Variants in NBDY observed in about 807,000 individuals in gnomAD.
The protein encoded by NBDY is negative regulator of P-body association.
At chrX:56,743,017 G>A (rs1297215110) in intron 2 of NBDY, among the ~76,000 whole-genome samples, 1 of 110,808 alleles carries the variant, frequency 9.0e-6, no homozygotes, top group East Asian at 2.8e-4. Context: ...CATTTTTGAA[G>A]GTTTTTATCA....
At chrX:56,799,341 A>G (rs901703677) in intron 2 of NBDY, among the ~76,000 whole-genome samples, 12 of 113,114 alleles carry the variant, frequency 1.1e-4, no homozygotes, top group African/African-American at 1.6e-4. Flanking sequence ...TCTCCACAAA[A>G]GAGACCAGAG....
intron 2 of NBDY, among the ~76,000 whole-genome samples, chrX:56,814,614 T>C (rs2069902773): frequency 1.8e-5 from 2 of 109,783 alleles, no homozygotes; most frequent in Non-Finnish European, 3.8e-5. Context: ...TGCCTCAGGC[T>C]CCTGAGCAGC....
At chrX:56,786,863 A>G (rs933983892) in intron 2 of NBDY, among the ~76,000 whole-genome samples, 3 of 111,312 alleles carry the variant, frequency 2.7e-5, no homozygotes, top group African/African-American at 9.8e-5. Flanking sequence ...TTAAAGGAGC[A>G]CAGATTGAGG....
At chrX:56,788,256 C>T in intron 2 of NBDY, among the ~76,000 whole-genome samples, 1 of 112,423 alleles carries the variant, frequency 8.9e-6, no homozygotes. Context: ...CCTCTTTATT[C>T]ACATGGGAGA....
At chrX:56,757,596 G>C (rs1293447113) in intron 2 of NBDY, among the ~76,000 whole-genome samples, 1 of 111,528 alleles carries the variant, frequency 9.0e-6, no homozygotes, top group African/African-American at 3.3e-5. Flanking sequence ...ACCACATTGG[G>C]GAAACCTGCA....
At chrX:56,743,939 C>T (rs1170260919) in intron 2 of NBDY, among the ~76,000 whole-genome samples, 1 of 109,686 alleles carries the variant, frequency 9.1e-6, no homozygotes, top group African/African-American at 3.3e-5. Context: ...TTATATATAA[C>T]TAAACTTTAT....
chrX:56,783,285 T>C (rs936070950), intron 2 of NBDY, among the ~76,000 whole-genome samples: 1 of 112,983 alleles, frequency 8.9e-6, no homozygotes, highest in African/African-American at 3.2e-5. Context: ...CTCCAGAAAC[T>C]GCCGGGCATG....
chrX:56,811,531 T>C (rs1255744607), intron 2 of NBDY, among the ~76,000 whole-genome samples: 2 of 112,023 alleles, frequency 1.8e-5, no homozygotes, highest in African/African-American at 3.2e-5. Flanking sequence ...CAGTTCGAAC[T>C]TTCCAGCAGC....
chrX:56,795,854 G>A (rs1282779628), intron 2 of NBDY, among the ~76,000 whole-genome samples: 3 of 112,551 alleles, frequency 2.7e-5, no homozygotes, highest in Non-Finnish European at 5.6e-5. Context: ...AGGAAGATCT[G>A]GACTGTGTCT....
intron 2 of NBDY, among the ~76,000 whole-genome samples, chrX:56,783,672 T>G (rs1055199893): frequency 1.8e-5 from 2 of 112,579 alleles, no homozygotes; most frequent in Non-Finnish European, 1.9e-5. Context: ...CGCGGATCTC[T>G]GTGCCTGGCA....
intron 2 of NBDY, among the ~76,000 whole-genome samples, chrX:56,813,032 G>T (rs1602671634): frequency 2.7e-5 from 3 of 110,418 alleles, no homozygotes; most frequent in African/African-American, 9.9e-5. Context: ...ACACACCGGG[G>T]CCTGTCTTGC....
chrX:56,792,050 G>T (rs1239076377), intron 2 of NBDY, among the ~76,000 whole-genome samples: 1 of 106,973 alleles, frequency 9.3e-6, no homozygotes, highest in Non-Finnish European at 1.9e-5. Context: ...TTTGGATTTG[G>T]GTGGGCAAGT....
chrX:56,784,733 G>GCGGACCAGA (rs2069716667), intron 2 of NBDY, among the ~76,000 whole-genome samples: 1 of 111,468 alleles, frequency 9.0e-6, no homozygotes, highest in African/African-American at 3.3e-5. Context: ...GCTGAACTCT[G>GCGGACCAGA]GTGCTTGCGG....
At chrX:56,809,687 A>G (rs763170144) in intron 2 of NBDY, among the ~76,000 whole-genome samples, 7 of 112,037 alleles carry the variant, frequency 6.2e-5, no homozygotes, top group African/African-American at 2.3e-4. Flanking sequence ...CAGCACACCA[A>G]TGGGTCCTAA....
intron 2 of NBDY, among the ~76,000 whole-genome samples, chrX:56,746,622 G>A (rs766587183): frequency 9.1e-6 from 1 of 110,393 alleles, no homozygotes; most frequent in East Asian, 2.9e-4. Flanking sequence ...CTGCTCATTT[G>A]GTTATTGGCA....
chrX:56,783,155 C>G (rs2069705381), intron 2 of NBDY, among the ~76,000 whole-genome samples: 1 of 112,834 alleles, frequency 8.9e-6, no homozygotes, highest in Non-Finnish European at 1.9e-5. Context: ...TGAGGCGGGA[C>G]AAGAGAGGAA....
chrX:56,735,214 A>G lies in NBDY; in HGVS notation c.*166+3015A>G, dbSNP rs147973317. On this transcript the variant is annotated intron_variant, in intron 2 of 2. Transcript: ENST00000374922. ...TTCACCTATGTGAGCCAAATACTAG[A>G]TCTACTTTCTTAGTCTTCATAACAA... Among the ~76,000 whole-genome samples the G allele has an allele frequency of 3.6e-4, 40 of 112,386 alleles. No individual in the cohort carries two copies. In the East Asian group the frequency reaches 9.8e-3, roughly 28 times the overall value.
chrX:56,731,737 C>G (rs2069460410), intron 1 of NBDY, among the ~76,000 whole-genome samples: 1 of 111,353 alleles, frequency 9.0e-6, no homozygotes, highest in Non-Finnish European at 1.9e-5. Context: ...TGCCAATTTT[C>G]TAAAGGGCTT....
intron 2 of NBDY, among the ~76,000 whole-genome samples, chrX:56,788,366 G>T (rs2069742249): frequency 8.8e-6 from 1 of 113,203 alleles, no homozygotes; most frequent in South Asian, 3.6e-4. Flanking sequence ...GAAATGGGAG[G>T]GAGCTGGGCA....
Sources: allele counts gnomAD v4.1 joint callset (sites outside exome capture counted in the v4.1 genomes callset), GRCh38; gene constraint gnomAD v4.1.1; transcripts MANE v1.5; gene names NCBI Gene and HGNC (gene_info 2026-07-23, HGNC 2026-07-21).